The following HMCN1 variants were observed in gnomAD, a reference collection of about 807,000 sequenced individuals.
HMCN1 encodes hemicentin-1.
A neutral mutation model predicts 625.9 loss-of-function variants in HMCN1; 321 were observed. The ratio of observed to expected loss-of-function variants is 0.51; its 90% CI spans 0.47 to 0.56. The LOEUF is 0.56. Among genes scored for constraint, HMCN1 ranks in the 20% least tolerant of loss-of-function variants. The probability of loss-of-function intolerance (pLI) is 0.00; values close to 1 mark genes in which losing one functional copy is unlikely to be tolerated. For synonymous variants in HMCN1, 2,425 were observed against 2,417.6 expected (o/e 1.00, Z -0.09); for missense variants, 6,588 against 6,887.3 (o/e 0.96, Z 1.54).
At chr1:186,125,145 A>G (rs936318952) in intron 81 of HMCN1, among the ~76,000 whole-genome samples, 3 of 151,872 alleles carry the variant, frequency 2.0e-5, no homozygotes, top group African/African-American at 7.3e-5. Flanking sequence ...TTTCTACAGC[A>G]CTTTGTGATA....
intron 45 of HMCN1, among the ~76,000 whole-genome samples, chr1:186,056,363 A>T (rs1219496595): frequency 6.6e-6 from 1 of 151,974 alleles, no homozygotes; most frequent in Non-Finnish European, 1.5e-5. Context: ...TTTTTGTTGG[A>T]TTACTCTTAA....
chr1:186,016,114 G>T lies in HMCN1; in HGVS notation c.5066G>T (p.Arg1689Leu), dbSNP rs761113225. 5.6e-6 allele frequency: 9 copies of T among 1,613,390 alleles called. No homozygotes were observed. Among genetic ancestry groups the T allele is most frequent in the African/African-American group, 5.3e-5 (4 of 74,980 alleles). Residue 1689 changes from arginine to leucine, a missense_variant, in exon 32 of 107, where the codon CGC becomes CTC. Physicochemically the swap from Arg to Leu is moderately radical, Grantham distance 102. Transcript: ENST00000271588. ...CCTGTGAAAGCTAATGACAATATCC[G>T]CATAGAAGCTGGTGGGAAGAAACTC... ...GVPVKANDNI[R>L]IEAGGKKLEI...
At position 186,067,871 on chromosome 1, in the gene HMCN1, C is replaced by T. The variant is rs1284576069; in HGVS notation, c.7743C>T (p.Asn2581=). 5 of 1,613,130 alleles carry T rather than the reference C, an allele frequency of 3.1e-6. No individual in the cohort carries two copies. The South Asian group carries it at 4.4e-5, about 14-fold the overall frequency. Residue 2581 remains asparagine, a synonymous_variant, in exon 50 of 107, where the codon AAC becomes AAT. Coordinates refer to ENST00000271588, the MANE Select transcript of HMCN1 (RefSeq NM_031935.3). ...TTGCTGGTGTAGGTAGTGATGGCAA[C>T]CCTGAAGATGTCACTGTCATCCTTA... ...PTIAGVGSDG[N]PEDVTVILNS... is the part of the protein sequence containing the mutation.
intron 31 of HMCN1, 109 bp from the exon 32 acceptor site, chr1:186,015,849 T>C: frequency 9.4e-7 from 1 of 1,062,692 alleles, no homozygotes; most frequent in South Asian, 1.3e-5. Context: ...TAGGTAGATT[T>C]TAATGGTCAA....
chr1:185,740,298 T>C (rs1035975094), intron 1 of HMCN1, among the ~76,000 whole-genome samples: 12 of 152,128 alleles, frequency 7.9e-5, no homozygotes, highest in Non-Finnish European at 1.6e-4. Flanking sequence ...GACAGGACAC[T>C]ATTGTATAAT....
At chr1:185,981,124 TCTTTTAC>T (rs1651603780) in intron 17 of HMCN1, 51 bp downstream of exon 17, 1 of 1,066,920 alleles carries the variant, frequency 9.4e-7, no homozygotes, top group East Asian at 2.4e-5. Flanking sequence ...TCATCAGACT[TCTTTTAC>T]TATGTCATCT....
At chr1:185,783,935 G>T (rs892959795) in intron 1 of HMCN1, among the ~76,000 whole-genome samples, 1 of 152,212 alleles carries the variant, frequency 6.6e-6, no homozygotes, top group Non-Finnish European at 1.5e-5. Context: ...GCTATGCCCT[G>T]CCCCCAGAGG....
intron 68 of HMCN1, among the ~76,000 whole-genome samples, chr1:186,100,425 G>T (rs1481379989): frequency 6.6e-6 from 1 of 152,038 alleles, no homozygotes; most frequent in African/African-American, 2.4e-5. Context: ...ATGGTATAGT[G>T]GTTCTGAAAA....
At chr1:185,855,562 A>G (rs573338819) in intron 2 of HMCN1, among the ~76,000 whole-genome samples, 1 of 152,260 alleles carries the variant, frequency 6.6e-6, no homozygotes, top group South Asian at 2.1e-4. Context: ...TTTGCTAATC[A>G]AGATATTGAG....
At chr1:186,085,035 C>T (rs1207619057) in intron 57 of HMCN1, among the ~76,000 whole-genome samples, 1 of 152,122 alleles carries the variant, frequency 6.6e-6, no homozygotes, top group African/African-American at 2.4e-5. Flanking sequence ...CTGTACGCTA[C>T]CTGCACTTAG....
intron 11 of HMCN1, among the ~76,000 whole-genome samples, chr1:185,960,511 C>A (rs1389455672): frequency 2.6e-5 from 4 of 152,174 alleles, no homozygotes; most frequent in Non-Finnish European, 5.9e-5. Context: ...TGCACACAGA[C>A]TTATTTCATG....
At chr1:185,907,808 A>G (rs16824728) in intron 4 of HMCN1, among the ~76,000 whole-genome samples, 10,795 of 151,976 alleles carry the variant, frequency 0.071, 1,338 homozygotes, top group African/African-American at 0.25. Flanking sequence ...TGGCATTACC[A>G]TGTGGAAGTA....
chr1:186,032,575 G>C (rs1223707570), intron 36 of HMCN1, among the ~76,000 whole-genome samples: 2 of 152,084 alleles, frequency 1.3e-5, no homozygotes, highest in Non-Finnish European at 2.9e-5. Flanking sequence ...GCTACTATGT[G>C]AAGAAGAATG....
At chr1:186,142,514 A>G (rs1360749814) in intron 89 of HMCN1, among the ~76,000 whole-genome samples, 3 of 152,220 alleles carry the variant, frequency 2.0e-5, no homozygotes, top group Non-Finnish European at 4.4e-5. Flanking sequence ...TGCTCTGGGC[A>G]TATACCCAAT....
chr1:185,953,616 T>C (rs1649398618), intron 11 of HMCN1, among the ~76,000 whole-genome samples: 1 of 151,770 alleles, frequency 6.6e-6, no homozygotes, highest in Admixed American at 6.6e-5. Flanking sequence ...GGCCACTTAC[T>C]GGATTTGAAA....
chr1:185,909,932 T>C (rs1666320309), intron 5 of HMCN1, among the ~76,000 whole-genome samples: 1 of 152,098 alleles, frequency 6.6e-6, no homozygotes, highest in South Asian at 2.1e-4. Flanking sequence ...AAATTTTAAT[T>C]TTACAGAAGA....
At chr1:185,766,146 A>G (rs1655855932) in intron 1 of HMCN1, among the ~76,000 whole-genome samples, 2 of 152,304 alleles carry the variant, frequency 1.3e-5, no homozygotes, top group Non-Finnish European at 2.9e-5. Context: ...AAAGTTCTAT[A>G]TCTGGAAACA....
chr1:186,115,032 C>G, intron 74 of HMCN1, 86 bp downstream of exon 74: 1 of 1,581,066 alleles, frequency 6.3e-7, no homozygotes, highest in Non-Finnish European at 8.7e-7. Context: ...AAGATCTTGA[C>G]ATTGAAGGCT....
intron 4 of HMCN1, among the ~76,000 whole-genome samples, chr1:185,894,151 A>AAAACAT (rs1665333284): frequency 7.0e-6 from 1 of 142,354 alleles, no homozygotes; most frequent in Non-Finnish European, 1.5e-5. Flanking sequence ...AACAAAAACA[A>AAAACAT]AAACAAAAAA....
Sources: gnomAD v4.1 joint callset for allele counts (sites outside exome capture counted in the v4.1 genomes callset) on GRCh38, gnomAD v4.1.1 for gene constraint, MANE v1.5 for transcripts, NCBI Gene and HGNC (gene_info 2026-07-23, HGNC 2026-07-21) for gene names.